Variants in EYS observed in about 807,000 individuals in gnomAD.
EYS encodes protein eyes shut homolog.
EYS carries 250 observed loss-of-function variants against 282.1 expected under a neutral mutation model. That is an observed-to-expected ratio of 0.89 (90% CI 0.80 to 0.98). The LOEUF (loss-of-function observed/expected upper bound fraction) is 0.98, where lower values mean the gene tolerates loss of function less well. Ranked by LOEUF, EYS falls within the 50% of genes least tolerant of loss-of-function variation. The pLI is 0.00. For missense variants in EYS, 4,016 were observed against 3,709.0 expected (o/e 1.08, Z -2.15); for synonymous variants, 1,355 against 1,282.9 (o/e 1.06, Z -1.20).
intron 2 of EYS, among the ~76,000 whole-genome samples, chr6:65,511,341 C>CTGTG (rs202062196): frequency 3.4e-5 from 5 of 148,660 alleles, no homozygotes; most frequent in East Asian, 2.0e-4. Context: ...CAAATGCATT[C>CTGTG]TGTGTGTGTG....
intron 12 of EYS, among the ~76,000 whole-genome samples, chr6:65,206,782 T>G (rs1433698010): frequency 1.3e-5 from 2 of 151,860 alleles, no homozygotes; most frequent in Non-Finnish European, 2.9e-5. Context: ...ACCATTTGAT[T>G]GTCTTAATAG....
chr6:64,408,844 A>G (rs796163437), intron 28 of EYS, among the ~76,000 whole-genome samples: 6 of 152,288 alleles, frequency 3.9e-5, no homozygotes, highest in African/African-American at 1.4e-4. Flanking sequence ...CGCTTGTTAC[A>G]TGGGCAAATT....
intron 22 of EYS, among the ~76,000 whole-genome samples, chr6:64,697,357 A>G (rs9363107): frequency 0.68 from 103,456 of 151,952 alleles, 36,288 homozygotes; most frequent in Middle Eastern, 0.77. Flanking sequence ...ATACATATGC[A>G]CCCCAAACTG....
intron 19 of EYS, among the ~76,000 whole-genome samples, chr6:64,857,028 G>T (rs6940123): frequency 6.6e-6 from 1 of 151,980 alleles, no homozygotes; most frequent in African/African-American, 2.4e-5. Flanking sequence ...TGCATCATTT[G>T]CTTAAAAAAC....
chr6:63,832,583 C>T (rs1302186460), intron 36 of EYS, among the ~76,000 whole-genome samples: 1 of 152,006 alleles, frequency 6.6e-6, no homozygotes, highest in Non-Finnish European at 1.5e-5. Context: ...AATAGCCTAC[C>T]AACCCAAAAA....
chr6:65,114,222 A>G (rs1561972811), intron 12 of EYS, among the ~76,000 whole-genome samples: 1 of 151,990 alleles, frequency 6.6e-6, no homozygotes, highest in Non-Finnish European at 1.5e-5. Context: ...AGTATTCTAA[A>G]TACATGAATA....
intron 15 of EYS, among the ~76,000 whole-genome samples, chr6:64,928,047 G>A (rs1768576941): frequency 6.6e-6 from 1 of 151,996 alleles, no homozygotes; most frequent in Non-Finnish European, 1.5e-5. Flanking sequence ...ACACAAGTAA[G>A]TGCAATTGCC....
intron 1 of EYS, among the ~76,000 whole-genome samples, chr6:65,654,813 A>C (rs901938709): frequency 3.3e-5 from 5 of 151,672 alleles, no homozygotes; most frequent in African/African-American, 1.2e-4. Flanking sequence ...CATACCACGG[A>C]GAGACACAAA....
intron 31 of EYS, among the ~76,000 whole-genome samples, chr6:64,147,818 A>G (rs759023384): frequency 1.2e-4 from 18 of 152,204 alleles, no homozygotes; most frequent in Non-Finnish European, 2.6e-4. Flanking sequence ...CGGAGGAGCC[A>G]TAAGAGCACA....
intron 12 of EYS, among the ~76,000 whole-genome samples, chr6:65,289,618 G>A (rs9360121): frequency 0.52 from 78,362 of 150,672 alleles, 22,493 homozygotes; most frequent in East Asian, 0.91. Flanking sequence ...AAATATCCAA[G>A]CACTATTCAA....
intron 26 of EYS, among the ~76,000 whole-genome samples, chr6:64,448,760 C>T (rs530470011): frequency 2.4e-4 from 36 of 152,318 alleles, no homozygotes; most frequent in Admixed American, 1.4e-3. Flanking sequence ...TGGAGTGGAC[C>T]TCCAGTAAAC....
chr6:64,776,500 A>T (rs986295259), intron 22 of EYS, among the ~76,000 whole-genome samples: 2 of 152,026 alleles, frequency 1.3e-5, no homozygotes, highest in Non-Finnish European at 2.9e-5. Context: ...TTCTCTGGCT[A>T]TCTGAAAGGC....
intron 22 of EYS, among the ~76,000 whole-genome samples, chr6:64,788,204 G>C (rs1190183579): frequency 2.6e-5 from 4 of 152,102 alleles, no homozygotes; most frequent in Non-Finnish European, 5.9e-5. Flanking sequence ...TTAAGGATCT[G>C]GTACAGATTA....
intron 13 of EYS, among the ~76,000 whole-genome samples, chr6:65,034,105 G>A (rs1010283782): frequency 6.6e-6 from 1 of 152,188 alleles, no homozygotes; most frequent in African/African-American, 2.4e-5. Flanking sequence ...CACGGGGCCT[G>A]TAGCCCCTTT....
At position 64,887,038 on chromosome 6, in the gene EYS, G is replaced by T. The variant is rs553051165; in HGVS notation, c.2847-196C>A. The stretch of plus-strand genomic sequence containing the variant: ...TGTTCTGCTCAAATGTTCTTTATGT[G>T]TGAAATTTTGAAAAACAATGTGTTG... On this transcript the variant is annotated intron_variant, in intron 18 of 42. Transcript: ENST00000503581. 1.1e-4 allele frequency among the ~76,000 whole-genome samples: 17 copies of T among 151,764 alleles called. No individual in the cohort carries two copies. In the East Asian group the frequency reaches 2.9e-3, roughly 26 times the overall value.
intron 2 of EYS, among the ~76,000 whole-genome samples, chr6:65,563,029 A>G (rs1769125382): frequency 6.6e-6 from 1 of 152,130 alleles, no homozygotes; most frequent in Non-Finnish European, 1.5e-5. Context: ...CACTTACAGA[A>G]TTCATACAAT....
At chr6:64,443,011 C>T (rs998016601) in intron 26 of EYS, among the ~76,000 whole-genome samples, 12 of 152,266 alleles carry the variant, frequency 7.9e-5, no homozygotes, top group Non-Finnish European at 1.2e-4. Context: ...GATCCACTGA[C>T]GGCTTGCACT....
intron 2 of EYS, among the ~76,000 whole-genome samples, chr6:65,575,347 T>TAA (rs1764625379): frequency 6.7e-6 from 1 of 150,096 alleles, no homozygotes; most frequent in Non-Finnish European, 1.5e-5. Flanking sequence ...AATAAATAAA[T>TAA]AAATAAATAT....
intron 18 of EYS, among the ~76,000 whole-genome samples, chr6:64,897,169 C>T (rs1767501563): frequency 6.6e-6 from 1 of 152,130 alleles, no homozygotes; most frequent in African/African-American, 2.4e-5. Flanking sequence ...GAGACAACTC[C>T]CAGCAGCGGT....
Sources: allele counts gnomAD v4.1 joint callset (sites outside exome capture counted in the v4.1 genomes callset), GRCh38; gene constraint gnomAD v4.1.1; transcripts MANE v1.5; gene names NCBI Gene and HGNC (gene_info 2026-07-23, HGNC 2026-07-21).